BCAS4: variants seen among roughly 807,000 people sequenced by gnomAD.
BCAS4 encodes breast carcinoma amplified sequence 4.
Under a neutral mutation model 15.7 loss-of-function variants are expected in BCAS4, and 9 were observed. The ratio of observed to expected loss-of-function variants is 0.57; its 90% CI spans 0.34 to 1.00. BCAS4 has a LOEUF of 1.00. Ranked by LOEUF, BCAS4 falls within the 50% of genes least tolerant of loss-of-function variation. BCAS4 has a pLI of 0.02. For missense variants in BCAS4, 225 were observed against 239.1 expected (o/e 0.94, Z 0.39); for synonymous variants, 101 against 99.5 (o/e 1.02, Z -0.09).
chr20:50,839,436 T>A (rs2088450373), intron 3 of BCAS4, among the ~76,000 whole-genome samples: 1 of 152,224 alleles, frequency 6.6e-6, no homozygotes, highest in Admixed American at 6.5e-5. Context: ...ATGTCCTTTT[T>A]AAAATGATAG....
Position 50,876,734 on chromosome 20 carries a change from G to T in BCAS4, c.*126G>T. On this transcript the variant is annotated 3_prime_UTR_variant, in exon 5 of 5. Transcript: ENST00000371608. ...AAATATTTAAAAAAATGTCGAGATGGGGTCTCACTATGTTGTCCAGACTGA... is the reference window on the plus strand; with the variant it reads ...AAATATTTAAAAAAATGTCGAGATGTGGTCTCACTATGTTGTCCAGACTGA... The T allele has an allele frequency of 8.2e-7, 1 of 1,222,688 alleles. No individual in the cohort carries two copies. Among genetic ancestry groups the T allele is most frequent in the Admixed American group, 3.1e-5 (1 of 31,768 alleles). The allele number at this position is 1,222,688 out of a possible 1,614,324, so 75.7% of individuals were successfully genotyped here. A position where few individuals can be genotyped will look rare whatever the true frequency, so the allele number is the denominator to read the frequency against.
intron 3 of BCAS4, among the ~76,000 whole-genome samples, chr20:50,835,242 A>G (rs2123797805): frequency 7.2e-6 from 1 of 139,566 alleles, no homozygotes; most frequent in East Asian, 2.0e-4. Flanking sequence ...CGCAACTACT[A>G]TAATTTTTTT....
At chr20:50,863,903 C>T (rs999503601) in intron 4 of BCAS4, among the ~76,000 whole-genome samples, 3 of 94,450 alleles carry the variant, frequency 3.2e-5, no homozygotes, top group Non-Finnish European at 3.8e-5. Flanking sequence ...CTCTGTCCTG[C>T]AAGTGGGTCA....
intron 4 of BCAS4, among the ~76,000 whole-genome samples, chr20:50,869,520 G>C (rs1384088291): frequency 6.6e-6 from 1 of 152,154 alleles, no homozygotes; most frequent in African/African-American, 2.4e-5. Context: ...TGGGGCTGCA[G>C]TGGTCACCCA....
At chr20:50,818,326 C>G in intron 2 of BCAS4, 44 bp downstream of exon 2, 1 of 1,187,754 alleles carries the variant, frequency 8.4e-7, no homozygotes, top group Non-Finnish European at 1.1e-6. Context: ...CCAGGCCAGA[C>G]TTCAGGCCCT....
intron 4 of BCAS4, among the ~76,000 whole-genome samples, chr20:50,869,255 G>C (rs1277321257): frequency 1.3e-5 from 2 of 152,152 alleles, no homozygotes; most frequent in African/African-American, 2.4e-5. Flanking sequence ...CCAGTGCCCT[G>C]GGGGATGAAG....
At chr20:50,872,008 C>A (rs1001094329) in intron 4 of BCAS4, among the ~76,000 whole-genome samples, 2 of 152,042 alleles carry the variant, frequency 1.3e-5, no homozygotes, top group South Asian at 2.1e-4. Flanking sequence ...GCCTGTAATC[C>A]CAACACTTTG....
intron 1 of BCAS4, among the ~76,000 whole-genome samples, chr20:50,812,659 C>G (rs1200142375): frequency 6.6e-6 from 1 of 151,392 alleles, no homozygotes; most frequent in Admixed American, 6.6e-5. Flanking sequence ...AGGCTGGTCT[C>G]GAACTCCTGA....
downstream of BCAS4, chr20:50,880,673 T>C (rs1427843275): frequency 6.6e-6 from 1 of 152,138 alleles, no homozygotes; most frequent in African/African-American, 2.4e-5. Flanking sequence ...GAAAGGTCAC[T>C]GCAGATTTCT....
intron 2 of BCAS4, among the ~76,000 whole-genome samples, chr20:50,820,646 G>C (rs773001121): frequency 2.6e-5 from 4 of 152,200 alleles, no homozygotes; most frequent in Admixed American, 6.5e-5. Context: ...GCATCAGCCT[G>C]AAGAGGGCTG....
chr20:50,881,984 C>T (rs1980124741), downstream of BCAS4: 1 of 152,192 alleles, frequency 6.6e-6, no homozygotes, highest in Non-Finnish European at 1.5e-5. Flanking sequence ...TTTGAAGAAA[C>T]ATATTCTTGT....
downstream of BCAS4, chr20:50,881,749 C>T (rs188609266): frequency 6.6e-6 from 1 of 152,042 alleles, no homozygotes; most frequent in Non-Finnish European, 1.5e-5. Context: ...CAACCCCTGC[C>T]TCCTGGGCTC....
At chr20:50,803,093 A>G (rs906643387) in intron 1 of BCAS4, among the ~76,000 whole-genome samples, 5 of 152,062 alleles carry the variant, frequency 3.3e-5, no homozygotes, top group Non-Finnish European at 7.4e-5. Flanking sequence ...GGGCATGAGA[A>G]TCGCTCGAAC....
chr20:50,828,060 G>C (rs2088300635), intron 2 of BCAS4, among the ~76,000 whole-genome samples: 2 of 151,394 alleles, frequency 1.3e-5, no homozygotes, highest in Non-Finnish European at 2.9e-5. Context: ...CAAAATATGA[G>C]ATGAGGAAAC....
chr20:50,799,140 C>G (rs1387023209), intron 1 of BCAS4, among the ~76,000 whole-genome samples: 1 of 152,206 alleles, frequency 6.6e-6, no homozygotes, highest in Non-Finnish European at 1.5e-5. Context: ...CTCCCTTACT[C>G]TCAGCAGCGA....
chr20:50,834,731 T>G (rs2088386155), intron 3 of BCAS4, among the ~76,000 whole-genome samples: 1 of 152,230 alleles, frequency 6.6e-6, no homozygotes, highest in Non-Finnish European at 1.5e-5. Flanking sequence ...AGCCCCCGGC[T>G]CTGGCAACCA....
intron 4 of BCAS4, among the ~76,000 whole-genome samples, chr20:50,866,931 C>A (rs935780755): frequency 2.0e-5 from 3 of 152,120 alleles, no homozygotes; most frequent in Admixed American, 2.0e-4. Flanking sequence ...CAGGTCCCAT[C>A]GCGGGCCGGG....
At chr20:50,803,959 G>C (rs79230037) in intron 1 of BCAS4, among the ~76,000 whole-genome samples, 5,035 of 152,248 alleles carry the variant, frequency 0.033, 100 homozygotes, top group African/African-American at 0.051. Flanking sequence ...TGATTGGTCT[G>C]TTGGAAAATC....
At chr20:50,861,252 C>T (rs746705671) in intron 4 of BCAS4, among the ~76,000 whole-genome samples, 2 of 152,190 alleles carry the variant, frequency 1.3e-5, no homozygotes, top group African/African-American at 4.8e-5. Flanking sequence ...ATGGGGCAGA[C>T]GAGTTCCCTG....
Sources: gnomAD v4.1 joint callset for allele counts (sites outside exome capture counted in the v4.1 genomes callset) on GRCh38, gnomAD v4.1.1 for gene constraint, MANE v1.5 for transcripts, NCBI Gene and HGNC (gene_info 2026-07-23, HGNC 2026-07-21) for gene names.